Variants in PRAMEF14 observed in about 807,000 individuals in gnomAD.
The protein encoded by PRAMEF14 is PRAME family member 14.
Under a neutral mutation model 38.3 loss-of-function variants are expected in PRAMEF14, and 24 were observed. The observed-to-expected ratio is 0.63, with a 90% CI of 0.45 to 0.88. PRAMEF14 has a LOEUF of 0.88. Ranked by LOEUF, PRAMEF14 falls within the 40% of genes least tolerant of loss-of-function variation. The pLI, the probability that PRAMEF14 is intolerant of heterozygous loss-of-function variation, is 0.00. For synonymous variants in PRAMEF14, 194 were observed against 226.4 expected, an observed-to-expected ratio of 0.86 and a Z score of 1.29; for missense variants, 477 against 570.8, an observed-to-expected ratio of 0.84 and a Z score of 1.67.
At chr1:13,343,116 A>G (rs1299698338) in intron 3 of PRAMEF14, 30 bp from the exon 4 acceptor site, 3 of 1,605,516 alleles carry the variant, frequency 1.9e-6, no homozygotes, top group Non-Finnish European at 2.6e-6. Flanking sequence ...AGTTCTGGGC[A>G]ATGGTACCAG....
Position 13,344,394 on chromosome 1 carries a change from C to A in PRAMEF14, c.510G>T (p.Trp170Cys). Residue 170 changes from tryptophan (W) to cysteine (C), a missense_variant, in exon 3 of 4, where the codon TGG (tryptophan) becomes TGT (cysteine). Physicochemically the swap from Trp to Cys is radical, Grantham distance 215. Around this residue, in one of 4 missense-constraint regions of PRAMEF14, gnomAD observed 234 missense variants for 247.4 expected, o/e 0.95. Coordinates refer to ENST00000334600, the MANE Select transcript of PRAMEF14 (RefSeq NM_001024661.2). The stretch of plus-strand genomic sequence containing the variant: ...GTACTAAACCTCTCCTTTGGTAAAC[C>A]CACTGAAAGAGGTATCTCAGGCATT... Reference protein sequence around the residue: ...QDECLRYLFQWVYQRRGLVHL... With the variant: ...QDECLRYLFQCVYQRRGLVHL... 1.2e-6 allele frequency: 2 copies of A among 1,604,348 alleles called. No homozygotes were observed. Among genetic ancestry groups the A allele is most frequent in the South Asian group, 2.2e-5 (2 of 90,498 alleles).
In PRAMEF14 at chr1:13,345,340, C is replaced by G. The variant is rs1640387984; in HGVS notation, c.-25-1G>C. 3 of 1,603,156 alleles carry G rather than the reference C, an allele frequency of 1.9e-6. No individual in the cohort carries two copies. Among genetic ancestry groups the G allele is most frequent in the Non-Finnish European group, 2.5e-6 (3 of 1,176,624 alleles). ...CCTGATAGATCTGCAAGAAAAATCT[C>G]TAGAAGACAAATCCAGGGAAAATGT... On this transcript the variant is annotated splice_acceptor_variant, in intron 1 of 3. Transcript: ENST00000334600. LOFTEE classifies it low-confidence loss of function (5UTR_SPLICE).
At position 13,343,619 on chromosome 1, in the gene PRAMEF14, G is replaced by C. The variant is rs1470011740; in HGVS notation, c.866+419C>G. ...CAGGGAATCAGAGACAGGATCATTCGTGATCACTAAGCCGGTGAGGACAGA... is the reference window on the plus strand; with the variant it reads ...CAGGGAATCAGAGACAGGATCATTCCTGATCACTAAGCCGGTGAGGACAGA... On this transcript the variant is annotated intron_variant, in intron 3 of 3. Transcript: ENST00000334600. 2 of 1,315,350 alleles carry C rather than the reference G, an allele frequency of 1.5e-6. 1 individual carries two copies. Among genetic ancestry groups the C allele is most frequent in the Non-Finnish European group, 2.0e-6 (2 of 998,362 alleles). 81.5% of individuals were successfully genotyped at this position (1,315,350 alleles called of 1,614,324 possible).
In PRAMEF14 at chr1:13,344,201, G is replaced by T; in HGVS notation, c.703C>A (p.Arg235Ser). 1 of 1,608,700 alleles carries T rather than the reference G, an allele frequency of 6.2e-7. No individual in the cohort carries two copies. Among genetic ancestry groups the T allele is most frequent in the Non-Finnish European group, 8.5e-7 (1 of 1,178,642 alleles). The change falls in exon 3 of 4, where the codon CGC becomes AGC. Residue 235 changes from arginine to serine, a missense_variant. By Grantham distance (110) the Arg-to-Ser change is moderately radical. Coordinates refer to ENST00000334600, the MANE Select transcript of PRAMEF14 (RefSeq NM_001024661.2). ...RCYLKEMKNL[R>S]KLVFSRCHHS... Reference sequence around the variant, plus strand: ...TGGCACCTGGAGAAAACGAGTTTGCGAAGATTCTTCATCTCCTTCAGGTAA... The same window carrying T: ...TGGCACCTGGAGAAAACGAGTTTGCTAAGATTCTTCATCTCCTTCAGGTAA...
At chr1:13,345,801 C>G (rs1553176443) in intron 1 of PRAMEF14, among the ~76,000 whole-genome samples, 2 of 149,652 alleles carry the variant, frequency 1.3e-5, no homozygotes, top group Non-Finnish European at 3.0e-5. Flanking sequence ...GTCAGGAGTT[C>G]GAGAACAGCC....
rs1640338773 is a variant in PRAMEF14, at chr1:13,342,309, T to C, written c.*219A>G. The C allele has an allele frequency of 2.4e-6, 2 of 849,090 alleles. No homozygotes were observed. Among genetic ancestry groups the C allele is most frequent in the Non-Finnish European group, 3.5e-6 (2 of 575,172 alleles). 52.6% of individuals were successfully genotyped at this position (849,090 alleles called of 1,614,324 possible). A position where few individuals can be genotyped will look rare whatever the true frequency, so the allele number is the denominator to read the frequency against. ...CAGTAATCCCAGCACTTTAGGAAGC[T>C]GAGGCAGGAGGATCCCATAAGCCCA... On this transcript the variant is annotated 3_prime_UTR_variant, in exon 4 of 4. Coordinates refer to ENST00000334600, the MANE Select transcript of PRAMEF14 (RefSeq NM_001024661.2).
chr1:13,343,145 T>C (rs1244291100), intron 3 of PRAMEF14, 59 bp from the exon 4 acceptor site: 1 of 1,362,828 alleles, frequency 7.3e-7, no homozygotes, highest in Non-Finnish European at 1.0e-6. Flanking sequence ...AGGTAGTGCC[T>C]TCATCTAGGA....
rs1472504339 is a variant in PRAMEF14, at chr1:13,342,296, C to A, written c.*232G>T. On this transcript the variant is annotated 3_prime_UTR_variant, in exon 4 of 4. Coordinates refer to ENST00000334600, the MANE Select transcript of PRAMEF14 (RefSeq NM_001024661.2). Reference sequence around the variant, plus strand: ...CAGTCACTCATGCCAGTAATCCCAGCACTTTAGGAAGCTGAGGCAGGAGGA... The same window carrying A: ...CAGTCACTCATGCCAGTAATCCCAGAACTTTAGGAAGCTGAGGCAGGAGGA... 8 of 736,956 alleles carry A rather than the reference C, an allele frequency of 1.1e-5. No homozygotes were observed. The Admixed American group carries it at 1.9e-4, about 17-fold the overall frequency. 45.7% of individuals were successfully genotyped at this position (736,956 alleles called of 1,614,324 possible).
chr1:13,345,239 A>G lies in PRAMEF14; in HGVS notation c.76T>C (p.Ser26Pro). ...ACCCTGGGCAGCTCCTCCATGGCAGAGATGGACAAGGCCTGGTCTCTCAGC... is the reference window on the plus strand; with the variant it reads ...ACCCTGGGCAGCTCCTCCATGGCAGGGATGGACAAGGCCTGGTCTCTCAGC... ...SLLRDQALSISAMEELPRVLY... is the reference protein window; with the variant it reads ...SLLRDQALSIPAMEELPRVLY... Residue 26 changes from serine (S) to proline (P), a missense_variant, in exon 2 of 4, where the codon TCT (serine) becomes CCT (proline). Physicochemically the swap from Ser to Pro is moderately conservative, Grantham distance 74. This residue lies in a region of PRAMEF14 where 58 missense variants were observed against 119.9 expected (regional missense o/e 0.48). Transcript: ENST00000334600. 2 of 1,606,974 alleles carry G rather than the reference A, an allele frequency of 1.2e-6. No individual in the cohort carries two copies. Among genetic ancestry groups the G allele is most frequent in the Non-Finnish European group, 8.5e-7 (1 of 1,178,336 alleles).
At chr1:13,343,793 C>CGG (rs1322076250) in intron 3 of PRAMEF14, 1 of 1,451,652 alleles carries the variant, frequency 6.9e-7, no homozygotes. Flanking sequence ...CCCCCACTAA[C>CGG]TAGCTTGTAC....
At chr1:13,345,601 C>G (rs1433705216) in intron 1 of PRAMEF14, among the ~76,000 whole-genome samples, 2 of 150,774 alleles carry the variant, frequency 1.3e-5, no homozygotes. Context: ...ATGAGAGTGT[C>G]CTGTGGCCCC....
chr1:13,345,286 A>G lies in PRAMEF14; in HGVS notation c.29T>C (p.Leu10Pro). 1 of 1,607,472 alleles carries G rather than the reference A, an allele frequency of 6.2e-7. No homozygotes were observed. Among genetic ancestry groups the G allele is most frequent in the Non-Finnish European group, 8.5e-7 (1 of 1,178,630 alleles). The change falls in exon 2 of 4, where the codon CTG becomes CCG. Residue 10 changes from leucine to proline, a missense_variant. This residue lies in a region of PRAMEF14 where 58 missense variants were observed against 119.9 expected (regional missense o/e 0.48). Transcript: ENST00000334600. MSIQAPPRL[L>P]ELAGQSLLRD... ...CAGCAGGCTCTGCCCTGCCAGCTCC[A>G]GGAGTCTGGGTGGGGCCTGGATGCT...
In PRAMEF14 at chr1:13,345,408, C is replaced by T. The variant is rs1569816635; in HGVS notation, c.-25-69G>A. 4.9e-6 allele frequency: 7 copies of T among 1,428,854 alleles called. No individual in the cohort carries two copies. In the East Asian group the frequency reaches 1.5e-4, roughly 30 times the overall value. The allele number at this position is 1,428,854 out of a possible 1,614,324, so 88.5% of individuals were successfully genotyped here. On this transcript the variant is annotated intron_variant, in intron 1 of 3. Coordinates refer to ENST00000334600, the MANE Select transcript of PRAMEF14 (RefSeq NM_001024661.2). ...CACAATCATCTGCTTCTACTGGTACCAGGAAGAATGTCTTCCAAACACCAA... is the reference window on the plus strand; with the variant it reads ...CACAATCATCTGCTTCTACTGGTACTAGGAAGAATGTCTTCCAAACACCAA...
chr1:13,342,320 G>C lies in PRAMEF14; in HGVS notation c.*208C>G, dbSNP rs1391602504. The C allele has an allele frequency of 2.1e-6, 2 of 946,384 alleles. No individual in the cohort carries two copies. The highest frequency in any genetic ancestry group is 3.0e-6 in the Non-Finnish European group (2 of 659,610). 58.6% of individuals were successfully genotyped at this position (946,384 alleles called of 1,614,324 possible). ...GCACTTTAGGAAGCTGAGGCAGGAG[G>C]ATCCCATAAGCCCAGCTGAGGCAGG... On this transcript the variant is annotated 3_prime_UTR_variant, in exon 4 of 4. Coordinates refer to ENST00000334600, the MANE Select transcript of PRAMEF14 (RefSeq NM_001024661.2).
Position 13,342,829 on chromosome 1 carries a change from T to G in PRAMEF14, c.1124A>C (p.His375Pro). Residue 375 changes from histidine to proline, a missense_variant, in exon 4 of 4, where the codon CAC becomes CCC. His to Pro is a moderately conservative substitution (Grantham distance 77). Around this residue, in one of 4 missense-constraint regions of PRAMEF14, gnomAD observed 151 missense variants for 137.4 expected, o/e 1.10. Coordinates refer to ENST00000334600, the MANE Select transcript of PRAMEF14 (RefSeq NM_001024661.2). ...GTAGAAGGTGGTGAGCTGGGAGCAG[T>G]GGCTCAGGCCAGGCAGGATGGCACT... ...QLSAILPGLS[H>P]CSQLTTFYFG... is the part of the protein sequence containing the mutation. 1 of 1,584,430 alleles carries G rather than the reference T, an allele frequency of 6.3e-7. No homozygotes were observed.
At chr1:13,343,889 C>T (rs2100351944) in intron 3 of PRAMEF14, 149 bp downstream of exon 3, 1 of 1,505,894 alleles carries the variant, frequency 6.6e-7, no homozygotes, top group East Asian at 2.5e-5. Context: ...GGACATGGAA[C>T]ACTGAATGGG....
chr1:13,344,429 G>A lies in PRAMEF14; in HGVS notation c.475C>T (p.Pro159Ser), dbSNP rs1465119509. Residue 159 changes from proline to serine, a missense_variant, in exon 3 of 4, where the codon CCC (proline) becomes TCC (serine). This residue lies in a region of PRAMEF14 where 234 missense variants were observed against 247.4 expected (regional missense o/e 0.95). Transcript: ENST00000334600. ...VFIDICLKEI[P>S]QDECLRYLFQ... ...AGGTATCTCAGGCATTCATCCTGGG[G>A]TATTTCCTTGAGGCAGATGTCTATG... 6.2e-7 allele frequency: 1 copy of A among 1,605,478 alleles called. No homozygotes were observed. Among genetic ancestry groups the A allele is most frequent in the East Asian group, 2.4e-5 (1 of 42,194 alleles).
At chr1:13,343,747 A>G in intron 3 of PRAMEF14, 15 of 1,344,890 alleles carry the variant, frequency 1.1e-5, no homozygotes, top group Non-Finnish European at 1.4e-5. Flanking sequence ...ACTTTGTAAC[A>G]GGAAATTCAC....
chr1:13,343,778 T>C lies in PRAMEF14; in HGVS notation c.866+260A>G, dbSNP rs1294406972. Reference sequence around the variant, plus strand: ...TTCACACGTGCACCCCCAATAGAGCTGAAACCCCCACTAACTAGCTTGTAC... The same window carrying C: ...TTCACACGTGCACCCCCAATAGAGCCGAAACCCCCACTAACTAGCTTGTAC... On this transcript the variant is annotated intron_variant, in intron 3 of 3. Coordinates refer to ENST00000334600, the MANE Select transcript of PRAMEF14 (RefSeq NM_001024661.2). 9.8e-6 allele frequency: 14 copies of C among 1,429,668 alleles called. 1 individual carries two copies. The highest frequency in any genetic ancestry group is 1.2e-5 in the Non-Finnish European group (13 of 1,079,836). The allele number at this position is 1,429,668 out of a possible 1,614,324, so 88.6% of individuals were successfully genotyped here.
Sources: allele counts gnomAD v4.1 joint callset (sites outside exome capture counted in the v4.1 genomes callset), GRCh38; gene constraint gnomAD v4.1.1; regional missense constraint gnomAD v4.1.1; transcripts MANE v1.5; gene names NCBI Gene and HGNC (gene_info 2026-07-23, HGNC 2026-07-21).